The following CCDC171 variants were observed in gnomAD, a reference collection of about 807,000 sequenced individuals.
CCDC171 encodes coiled-coil domain containing 171, also known as coiled-coil domain-containing protein 171.
A neutral mutation model predicts 168.2 loss-of-function variants in CCDC171; 177 were observed. That is an observed-to-expected ratio of 1.05 (90% CI 0.93 to 1.19). The LOEUF is 1.19. Ranked by LOEUF, CCDC171 falls within the 50% of genes most tolerant of loss-of-function variation. The pLI is 0.00. For missense variants in CCDC171, 1,991 were observed against 1,539.0 expected (o/e 1.29, Z -4.91); for synonymous variants, 687 against 540.8 (o/e 1.27, Z -3.75).
At chr9:15,822,042 A>C (rs929575887) in intron 21 of CCDC171, among the ~76,000 whole-genome samples, 5 of 152,204 alleles carry the variant, frequency 3.3e-5, no homozygotes, top group Non-Finnish European at 7.3e-5. Context: ...ATCTACAACT[A>C]TCTGATCTTT....
intron 21 of CCDC171, among the ~76,000 whole-genome samples, chr9:15,813,860 T>C (rs2059455914): frequency 1.3e-5 from 2 of 152,218 alleles, no homozygotes; most frequent in South Asian, 2.1e-4. Flanking sequence ...ATGTTAGATC[T>C]AGTTCTGGTG....
intron 7 of CCDC171, among the ~76,000 whole-genome samples, chr9:15,654,939 A>G (rs1432009624): frequency 6.6e-6 from 1 of 152,168 alleles, no homozygotes; most frequent in African/African-American, 2.4e-5. Flanking sequence ...AGGACAAAAA[A>G]CCAAACACCG....
intron 10 of CCDC171, among the ~76,000 whole-genome samples, chr9:15,684,140 G>A (rs1441794612): frequency 6.6e-6 from 1 of 152,052 alleles, no homozygotes; most frequent in Non-Finnish European, 1.5e-5. Context: ...ATGAAAAGGT[G>A]AGCTGTGAGG....
chr9:15,613,298 T>C (rs992245903), intron 6 of CCDC171, among the ~76,000 whole-genome samples: 1 of 152,124 alleles, frequency 6.6e-6, no homozygotes, highest in African/African-American at 2.4e-5. Flanking sequence ...TTCTTGGGAA[T>C]TGTGACTTTA....
intron 6 of CCDC171, among the ~76,000 whole-genome samples, chr9:16,023,239 A>G (rs1833210101): frequency 6.6e-6 from 1 of 152,198 alleles, no homozygotes; most frequent in Non-Finnish European, 1.5e-5. Context: ...AGGTCCCCAC[A>G]TAAAACGTAA....
At chr9:16,078,750 A>G in the CCDC171 span, among the ~76,000 whole-genome samples, 1 of 152,070 alleles carries the variant, frequency 6.6e-6, no homozygotes, top group Non-Finnish European at 1.5e-5. Flanking sequence ...ACATGGAATG[A>G]GCATGATACC....
At chr9:15,873,373 G>A (rs1034524347) in intron 23 of CCDC171, among the ~76,000 whole-genome samples, 3 of 152,048 alleles carry the variant, frequency 2.0e-5, no homozygotes, top group Admixed American at 6.6e-5. Flanking sequence ...ATTTGAAGTT[G>A]CTTGGATAAA....
chr9:15,775,360 G>GTTTA (rs961208349), intron 18 of CCDC171, among the ~76,000 whole-genome samples: 2 of 152,148 alleles, frequency 1.3e-5, no homozygotes, highest in Non-Finnish European at 2.9e-5. Context: ...TTATTTGTTT[G>GTTTA]TTTATTTATT....
chr9:15,699,512 T>A (rs924848590), intron 11 of CCDC171, among the ~76,000 whole-genome samples: 1 of 152,148 alleles, frequency 6.6e-6, no homozygotes, highest in African/African-American at 2.4e-5. Context: ...AGCCAAGTGG[T>A]CTGTTTTGAC....
intron 16 of CCDC171, among the ~76,000 whole-genome samples, chr9:15,742,414 G>A (rs892314701): frequency 2.0e-5 from 3 of 152,164 alleles, no homozygotes; most frequent in Admixed American, 2.0e-4. Context: ...TAGAGCATAC[G>A]ATGCTGTTTT....
chr9:15,611,393 G>T (rs1182115688), intron 6 of CCDC171, among the ~76,000 whole-genome samples: 1 of 152,190 alleles, frequency 6.6e-6, no homozygotes, highest in African/African-American at 2.4e-5. Context: ...ATTTAAGAAT[G>T]AGGCACTAAA....
intron 6 of CCDC171, among the ~76,000 whole-genome samples, chr9:15,610,963 T>G (rs907711173): frequency 2.6e-5 from 4 of 152,176 alleles, no homozygotes; most frequent in Admixed American, 6.5e-5. Context: ...AAATCTCATA[T>G]TGAAATGTAA....
intron 7 of CCDC171, among the ~76,000 whole-genome samples, chr9:15,646,509 C>G (rs1384468049): frequency 6.6e-6 from 1 of 152,092 alleles, no homozygotes; most frequent in Non-Finnish European, 1.5e-5. Flanking sequence ...GGAGACCCAT[C>G]TCATGTGCAG....
intron 18 of CCDC171, among the ~76,000 whole-genome samples, chr9:15,775,304 A>G (rs1488358311): frequency 1.3e-5 from 2 of 152,202 alleles, no homozygotes; most frequent in Non-Finnish European, 2.9e-5. Flanking sequence ...CACCCTTCAG[A>G]TCAGTCAGTG....
At chr9:16,045,897 C>G (rs1435019634) in intron 1 of CCDC171, among the ~76,000 whole-genome samples, 2 of 152,178 alleles carry the variant, frequency 1.3e-5, no homozygotes, top group African/African-American at 4.8e-5. Context: ...CTCTACTTCC[C>G]TGGGATATAC....
chr9:15,686,683 G>T (rs1220305824), intron 10 of CCDC171, among the ~76,000 whole-genome samples: 1 of 152,108 alleles, frequency 6.6e-6, no homozygotes, highest in Non-Finnish European at 1.5e-5. Flanking sequence ...ATCTCATGTT[G>T]TTAAAAGGGT....
At chr9:15,983,441 C>T (rs1291696815) in intron 3 of CCDC171, among the ~76,000 whole-genome samples, 2 of 151,332 alleles carry the variant, frequency 1.3e-5, no homozygotes, top group Non-Finnish European at 2.9e-5. Flanking sequence ...CAGTATTTCC[C>T]ATATTTTGTA....
chr9:16,078,617 G>T, the CCDC171 span, among the ~76,000 whole-genome samples: 1 of 152,266 alleles, frequency 6.6e-6, no homozygotes, highest in East Asian at 1.9e-4. Context: ...AAACAAATAG[G>T]AGCTGTTCAA....
intron 3 of CCDC171, among the ~76,000 whole-genome samples, chr9:15,577,517 C>T (rs1050296790): frequency 6.6e-6 from 1 of 152,222 alleles, no homozygotes; most frequent in Non-Finnish European, 1.5e-5. Flanking sequence ...TGCAAAGAGG[C>T]TTTCACTGTG....
Sources: gnomAD v4.1 joint callset for allele counts (sites outside exome capture counted in the v4.1 genomes callset) on GRCh38, gnomAD v4.1.1 for gene constraint, MANE v1.5 for transcripts, NCBI Gene and HGNC (gene_info 2026-07-23, HGNC 2026-07-21) for gene names.